TBC1D19: variants seen among roughly 807,000 people sequenced by gnomAD.
TBC1D19 encodes TBC1 domain family member 19, also known as TBC1 domain family, member 19.
TBC1D19 carries 60 observed loss-of-function variants against 89.0 expected under a neutral mutation model. That is an observed-to-expected ratio of 0.67 (90% CI 0.55 to 0.84). The LOEUF (loss-of-function observed/expected upper bound fraction) is 0.84. TBC1D19 is among the 40% of genes least tolerant of loss of function. TBC1D19 has a pLI of 0.00. For synonymous variants in TBC1D19, 189 were observed against 199.7 expected (o/e 0.95, Z 0.45); for missense variants, 500 against 610.8 (o/e 0.82, Z 1.91).
chr4:26,683,218 G>T (rs1713516810), intron 11 of TBC1D19, among the ~76,000 whole-genome samples: 3 of 152,118 alleles, frequency 2.0e-5, no homozygotes, highest in African/African-American at 7.2e-5. Context: ...GTGGGGCCAG[G>T]TTTCTTGAGG....
chr4:26,679,302 C>T (rs1713120814), intron 11 of TBC1D19, among the ~76,000 whole-genome samples: 1 of 152,128 alleles, frequency 6.6e-6, no homozygotes, highest in African/African-American at 2.4e-5. Flanking sequence ...CATGCTTCAG[C>T]TCCAGCCATG....
At chr4:26,818,498 C>T in the TBC1D19 span, among the ~76,000 whole-genome samples, 3 of 152,112 alleles carry the variant, frequency 2.0e-5, no homozygotes, top group Non-Finnish European at 2.9e-5. Context: ...TCAAACAGTC[C>T]GCCTGCCTTG....
At chr4:26,699,565 T>TA (rs1159727339) in intron 13 of TBC1D19, among the ~76,000 whole-genome samples, 1 of 152,162 alleles carries the variant, frequency 6.6e-6, no homozygotes, top group Non-Finnish European at 1.5e-5. Flanking sequence ...CATGCACACA[T>TA]ATGTTTATTG....
At chr4:26,716,568 C>T (rs1038580702) in intron 13 of TBC1D19, among the ~76,000 whole-genome samples, 1 of 152,062 alleles carries the variant, frequency 6.6e-6, no homozygotes, top group African/African-American at 2.4e-5. Context: ...AACAACAGTA[C>T]AGGTTAAATA....
chr4:26,754,924 T>C lies in TBC1D19; in HGVS notation c.1558T>C (p.Phe520Leu). The change falls in exon 21 of 21, where the codon TTT (phenylalanine) becomes CTT (leucine). Residue 520 changes from phenylalanine (F) to leucine (L), a missense_variant. Phe to Leu is a conservative substitution (Grantham distance 22). Around this residue, in one of 2 missense-constraint regions of TBC1D19, gnomAD observed 220 missense variants for 319.1 expected, o/e 0.69. Transcript: ENST00000264866. ...AAAAGTTATGCCTCTTCTTCAGATT[T>C]TTCTGTTTGCTACTGTCACCTGATC... The part of the protein sequence containing the change: ...TLKVMPLLQI[F>L]LFATVT 6.2e-7 allele frequency: 1 copy of C among 1,606,716 alleles called. No homozygotes were observed.
chr4:26,604,888 A>G (rs1464980291), intron 1 of TBC1D19, among the ~76,000 whole-genome samples: 40 of 392 alleles, frequency 0.1, no homozygotes, highest in African/African-American at 0.11. Context: ...CATCTCAAAT[A>G]ATAATAATAA....
At chr4:26,777,701 G>A in the TBC1D19 span, among the ~76,000 whole-genome samples, 5 of 151,990 alleles carry the variant, frequency 3.3e-5, no homozygotes, top group Non-Finnish European at 7.4e-5. Context: ...CACCAGGCTC[G>A]GCCTCCCAAA....
chr4:26,845,443 C>T, the TBC1D19 span, among the ~76,000 whole-genome samples: 1 of 152,070 alleles, frequency 6.6e-6, no homozygotes, highest in African/African-American at 2.4e-5. Flanking sequence ...GCATTAGATA[C>T]ATTCACAATG....
chr4:26,652,347 C>CG (rs1744454316), intron 7 of TBC1D19, among the ~76,000 whole-genome samples: 2 of 151,828 alleles, frequency 1.3e-5, no homozygotes, highest in South Asian at 4.2e-4. Context: ...TGGTCCTGGA[C>CG]TTTTTTTTGG....
At chr4:26,618,779 G>A (rs115490074) in intron 3 of TBC1D19, among the ~76,000 whole-genome samples, 1,863 of 152,244 alleles carry the variant, frequency 0.012, 20 homozygotes, top group South Asian at 0.03. Context: ...GTCTGGAAGC[G>A]CTTAGGAACC....
intron 1 of TBC1D19, among the ~76,000 whole-genome samples, chr4:26,590,275 A>T (rs572649299): frequency 4.6e-5 from 7 of 152,122 alleles, no homozygotes; most frequent in African/African-American, 7.2e-5. Flanking sequence ...TGAATATTGT[A>T]CTGTTTTTCT....
chr4:26,842,708 C>T, the TBC1D19 span, among the ~76,000 whole-genome samples: 1 of 55,124 alleles, frequency 1.8e-5, no homozygotes, highest in South Asian at 4.5e-4. Context: ...CACCATGTTG[C>T]CCCCGGCTGG....
the TBC1D19 span, among the ~76,000 whole-genome samples, chr4:26,831,188 A>G: frequency 6.6e-6 from 1 of 152,190 alleles, no homozygotes; most frequent in East Asian, 1.9e-4. Flanking sequence ...TAAAATCTGT[A>G]TACTTATGAG....
In TBC1D19 at chr4:26,639,806, C is replaced by G. The variant is rs988340678; in HGVS notation, c.434-335C>G. ...AGTTTAATACAACTAGAGGAATTCA[C>G]TAAGAATGCATTGTTTGTATTTTAA... On this transcript the variant is annotated intron_variant, in intron 6 of 20. Coordinates refer to ENST00000264866, the MANE Select transcript of TBC1D19 (RefSeq NM_018317.4). 3.9e-5 allele frequency among the ~76,000 whole-genome samples: 6 copies of G among 152,132 alleles called. 1 individual carries two copies. The highest frequency in any genetic ancestry group is 1.4e-4 in the African/African-American group (6 of 41,418).
At chr4:26,742,966 A>G (rs1455585455) in intron 18 of TBC1D19, among the ~76,000 whole-genome samples, 1 of 152,172 alleles carries the variant, frequency 6.6e-6, no homozygotes, top group Non-Finnish European at 1.5e-5. Context: ...GGCCACATTT[A>G]TCAGAGAATA....
chr4:26,848,597 G>T, the TBC1D19 span, among the ~76,000 whole-genome samples: 109 of 152,242 alleles, frequency 7.2e-4, no homozygotes, highest in African/African-American at 2.4e-3. Context: ...TTTCTACATG[G>T]TTATTAAAAT....
rs753238875 is a variant in TBC1D19, at chr4:26,640,122, A to T, written c.434-19A>T. ...TATATTATTAGCTGAAATTTTGTTT[A>T]TAATCTATCTTATTCTAGATTTAAG... On this transcript the variant is annotated intron_variant, in intron 6 of 20. Coordinates refer to ENST00000264866, the MANE Select transcript of TBC1D19 (RefSeq NM_018317.4). 7.0e-6 allele frequency: 11 copies of T among 1,565,090 alleles called. No homozygotes were observed. The Admixed American group carries it at 1.8e-4, about 26-fold the overall frequency.
At chr4:26,819,048 G>A in the TBC1D19 span, among the ~76,000 whole-genome samples, 1 of 152,228 alleles carries the variant, frequency 6.6e-6, no homozygotes, top group African/African-American at 2.4e-5. Context: ...GTGGATGCCA[G>A]GGAGACCGAC....
At chr4:26,729,066 C>T (rs1473018540) in intron 15 of TBC1D19, among the ~76,000 whole-genome samples, 3 of 152,184 alleles carry the variant, frequency 2.0e-5, no homozygotes, top group South Asian at 2.1e-4. Flanking sequence ...TTTATAGGTA[C>T]TGTTTTCTTC....
Sources: gnomAD v4.1 joint callset for allele counts (sites outside exome capture counted in the v4.1 genomes callset) on GRCh38, gnomAD v4.1.1 for gene constraint, gnomAD v4.1.1 regional missense constraint, MANE v1.5 for transcripts, NCBI Gene and HGNC (gene_info 2026-07-23, HGNC 2026-07-21) for gene names.